GHITM: variants seen among roughly 807,000 people sequenced by gnomAD.
GHITM encodes the protein growth hormone inducible transmembrane protein, also known as growth hormone-inducible transmembrane protein.
Under a neutral mutation model 38.7 loss-of-function variants are expected in GHITM, and 24 were observed. That is an observed-to-expected ratio of 0.62 (90% confidence interval 0.45 to 0.87). The LOEUF is 0.87. Among genes scored for constraint, GHITM ranks in the 40% least tolerant of loss-of-function variants. The probability of loss-of-function intolerance (pLI) is 0.00; values close to 1 mark genes in which losing one functional copy is unlikely to be tolerated. For missense variants in GHITM, 420 were observed against 429.8 expected (o/e 0.98, Z 0.20); for synonymous variants, 154 against 147.8 (o/e 1.04, Z -0.30).
intron 2 of GHITM, among the ~76,000 whole-genome samples, chr10:84,142,311 C>A (rs1016607084): frequency 5.9e-5 from 9 of 152,156 alleles, no homozygotes; most frequent in African/African-American, 1.9e-4. Flanking sequence ...AAAATGCTAA[C>A]AGATTCTCAC....
chr10:84,147,217 C>T (rs967631754), intron 5 of GHITM, among the ~76,000 whole-genome samples: 5 of 152,092 alleles, frequency 3.3e-5, no homozygotes, highest in East Asian at 1.9e-4. Flanking sequence ...AATTATTTCT[C>T]GTTAGAAAAT....
chr10:84,149,986 G>A, intron 6 of GHITM, 69 bp from the exon 7 acceptor site: 1 of 1,242,114 alleles, frequency 8.1e-7, no homozygotes, highest in Non-Finnish European at 1.1e-6. Flanking sequence ...AAAGTGGCAT[G>A]TTAGAAGTGA....
At position 84,150,069 on chromosome 10, in the gene GHITM, G is replaced by C. The variant is rs755148368; in HGVS notation, c.607G>C (p.Val203Leu). The C allele has an allele frequency of 6.3e-7, 1 of 1,595,104 alleles. No homozygotes were observed. Among genetic ancestry groups the C allele is most frequent in the Admixed American group, 1.7e-5 (1 of 58,106 alleles). ...TCTTTCTCCAGGTGTGATGGGTGCAGTGGTGGCTCCTCTGACAATATTAGG... is the reference window on the plus strand; with the variant it reads ...TCTTTCTCCAGGTGTGATGGGTGCACTGGTGGCTCCTCTGACAATATTAGG... ...WLLHSGVMGA[V>L]VAPLTILGGP... The change falls in exon 7 of 9, where the codon GTG becomes CTG. Residue 203 changes from valine to leucine, a missense_variant. By Grantham distance (32) the Val-to-Leu change is conservative. Coordinates refer to ENST00000372134, the MANE Select transcript of GHITM (RefSeq NM_014394.3).
Position 84,141,596 on chromosome 10 carries a change from CACGAAGAATCA to C in GHITM, c.98_108del (p.Thr33MetfsTer6). 1.2e-6 allele frequency: 2 copies of C among 1,613,654 alleles called. No individual in the cohort carries two copies. The highest frequency in any genetic ancestry group is 8.5e-7 in the Non-Finnish European group (1 of 1,179,524). On this transcript the variant is annotated frameshift_variant, in exon 2 of 9. Transcript: ENST00000372134. LOFTEE classifies it high-confidence loss of function. The stretch of plus-strand genomic sequence containing the variant: ...CCTCCCCTGTTGTGAAGAATTCCAT[CACGAAGAATCA>C]ATGGCTGTTAACACCTAGCAGGGTA...
intron 1 of GHITM, among the ~76,000 whole-genome samples, chr10:84,141,036 C>T (rs1422430934): frequency 6.6e-6 from 1 of 152,198 alleles, no homozygotes; most frequent in Non-Finnish European, 1.5e-5. Flanking sequence ...CTTTGGATGA[C>T]ACTATTCCTT....
chr10:84,144,647 C>T (rs1841540378), intron 4 of GHITM, among the ~76,000 whole-genome samples: 1 of 152,168 alleles, frequency 6.6e-6, no homozygotes, highest in Non-Finnish European at 1.5e-5. Context: ...AGCCACCGCA[C>T]CCAGCCAAAA....
At chr10:84,150,349 A>T (rs573001622) in intron 7 of GHITM, 106 bp downstream of exon 7, 34 of 943,918 alleles carry the variant, frequency 3.6e-5, no homozygotes, top group Non-Finnish European at 5.2e-5. Flanking sequence ...AAGTTTTTTT[A>T]AAGATTTATG....
At chr10:84,147,602 C>G (rs1470899809) in intron 5 of GHITM, among the ~76,000 whole-genome samples, 1 of 150,462 alleles carries the variant, frequency 6.6e-6, no homozygotes, top group African/African-American at 2.4e-5. Flanking sequence ...TCAACTAAAA[C>G]CATTCACCAT....
chr10:84,150,653 T>G, intron 7 of GHITM, 56 bp from the exon 8 acceptor site: 1 of 1,369,310 alleles, frequency 7.3e-7, no homozygotes, highest in South Asian at 1.3e-5. Context: ...AATCATAAAC[T>G]CAGTTATCGG....
chr10:84,140,497 A>G (rs1589273794), intron 1 of GHITM: 1 of 152,314 alleles, frequency 6.6e-6, no homozygotes, highest in African/African-American at 2.4e-5. Flanking sequence ...CAGGTAGTCT[A>G]AGGGTCAACG....
Position 84,142,366 on chromosome 10 carries a change from T to C in GHITM, c.130-289T>C, listed in dbSNP as rs1022956391. Among the ~76,000 whole-genome samples, 12 of 152,360 alleles carry C rather than the reference T, an allele frequency of 7.9e-5. No homozygotes were observed. The Middle Eastern group carries it at 0.01, about 130-fold the overall frequency. On this transcript the variant is annotated intron_variant, in intron 2 of 8. Coordinates refer to ENST00000372134, the MANE Select transcript of GHITM (RefSeq NM_014394.3). ...TTAAAATATAACAATTCTAGGTATGTAAATCTATAGTTTGTGAAAGAAACA... is the reference window on the plus strand; with the variant it reads ...TTAAAATATAACAATTCTAGGTATGCAAATCTATAGTTTGTGAAAGAAACA...
intron 5 of GHITM, among the ~76,000 whole-genome samples, chr10:84,147,275 A>G (rs868694674): frequency 1.3e-5 from 2 of 152,224 alleles, no homozygotes; most frequent in Non-Finnish European, 2.9e-5. Flanking sequence ...AATGTTTTTT[A>G]AAAATAGAGA....
chr10:84,147,779 T>C (rs1339315007), intron 5 of GHITM, among the ~76,000 whole-genome samples: 2 of 152,188 alleles, frequency 1.3e-5, no homozygotes, highest in African/African-American at 4.8e-5. Flanking sequence ...ACACAAGCAA[T>C]ATTTAATTAT....
chr10:84,144,497 G>A (rs939638374), intron 4 of GHITM, among the ~76,000 whole-genome samples: 3 of 152,046 alleles, frequency 2.0e-5, no homozygotes, highest in Non-Finnish European at 4.4e-5. Flanking sequence ...GGGATTACAG[G>A]CACATGCCAC....
Position 84,150,876 on chromosome 10 carries a change from A to G in GHITM, c.949A>G (p.Asn317Asp). The G allele has an allele frequency of 6.3e-7, 1 of 1,589,684 alleles. No individual in the cohort carries two copies. The highest frequency in any genetic ancestry group is 8.6e-7 in the Non-Finnish European group (1 of 1,158,922). Residue 317 changes from asparagine (N) to aspartate (D), a missense_variant, in exon 8 of 9, where the codon AAC becomes GAC. Physicochemically the swap from Asn to Asp is conservative, Grantham distance 23. Transcript: ENST00000372134. Reference sequence around the variant, plus strand: ...TGGAGTTCAAAAATATGATCCCATTAACTCGTAAGTAATGCTTTTTATTTA... The same window carrying G: ...TGGAGTTCAAAAATATGATCCCATTGACTCGTAAGTAATGCTTTTTATTTA... Reference protein sequence around the residue: ...MYGVQKYDPINSMLSIYMDTL... With the variant: ...MYGVQKYDPIDSMLSIYMDTL...
chr10:84,141,526 T>TCC lies in GHITM; in HGVS notation c.27_28dup (p.Arg10ProfsTer20), dbSNP rs765084089. On this transcript the variant is annotated frameshift_variant, in exon 2 of 9. Transcript: ENST00000372134. LOFTEE classifies it high-confidence loss of function. ...ATGTTGGCTGCAAGGCTGGTGTGTC[T>TCC]CCGGACACTACCTTCTAGGGTTTTC... 6.8e-6 allele frequency: 11 copies of TCC among 1,613,728 alleles called. No individual in the cohort carries two copies. The East Asian group carries it at 2.5e-4, about 36-fold the overall frequency.
rs1293768505 is a variant in GHITM at position 84,140,267 on chromosome 10, G to T, written c.-40+674G>T. The stretch of plus-strand genomic sequence containing the variant: ...GTAATGGCACGAAAGTTCCAAAAGC[G>T]CTGGGTGTTTTCCCAAAGGCCGGGT... On this transcript the variant is annotated intron_variant, in intron 1 of 8. Coordinates refer to ENST00000372134, the MANE Select transcript of GHITM (RefSeq NM_014394.3). The T allele has an allele frequency of 2.0e-5, 3 of 152,232 alleles. No homozygotes were observed. The East Asian group carries it at 5.8e-4, about 29-fold the overall frequency. 9.4% of individuals were successfully genotyped at this position (152,232 alleles called of 1,614,324 possible).
chr10:84,141,426 G>T, intron 1 of GHITM, 36 bp from the exon 2 acceptor site: 2 of 1,406,456 alleles, frequency 1.4e-6, no homozygotes, highest in South Asian at 1.2e-5. Context: ...TTTTACTTAT[G>T]TTTTTTTGGT....
Position 84,144,909 on chromosome 10 carries a change from T to G in GHITM, c.376T>G (p.Ser126Ala), listed in dbSNP as rs1336402149. 1 of 1,604,336 alleles carries G rather than the reference T, an allele frequency of 6.2e-7. No individual in the cohort carries two copies. Among genetic ancestry groups the G allele is most frequent in the Non-Finnish European group, 8.5e-7 (1 of 1,173,230 alleles). The change falls in exon 5 of 9, where the codon TCC (serine) becomes GCC (alanine). Residue 126 changes from serine to alanine, a missense_variant. By Grantham distance (99) the Ser-to-Ala change is moderately conservative. Coordinates refer to ENST00000372134, the MANE Select transcript of GHITM (RefSeq NM_014394.3). The stretch of plus-strand genomic sequence containing the variant: ...TCAGTATGTCAAGGATAGAATTCAT[T>G]CCACCTATATGTACTTAGCAGGGAG... Reference protein sequence around the residue: ...WPQYVKDRIHSTYMYLAGSIG... With the variant: ...WPQYVKDRIHATYMYLAGSIG...
Sources: allele counts gnomAD v4.1 joint callset (sites outside exome capture counted in the v4.1 genomes callset), GRCh38; gene constraint gnomAD v4.1.1; transcripts MANE v1.5; gene names NCBI Gene and HGNC (gene_info 2026-07-23, HGNC 2026-07-21).